Variants in BMPR1B observed in about 807,000 individuals in gnomAD.
The protein encoded by BMPR1B is bone morphogenetic protein receptor type-1B.
Under a neutral mutation model 59.1 loss-of-function variants are expected in BMPR1B, and 12 were observed. The ratio of observed to expected loss-of-function variants is 0.20; its 90% CI spans 0.13 to 0.33. The LOEUF is 0.33. BMPR1B is among the 10% of genes least tolerant of loss of function. The probability of loss-of-function intolerance (pLI) is 1.00; values close to 1 mark genes in which losing one functional copy is unlikely to be tolerated. For missense variants in BMPR1B, 550 were observed against 610.9 expected (o/e 0.90, Z 1.05); for synonymous variants, 237 against 207.3 (o/e 1.14, Z -1.23).
At chr4:94,916,397 G>A (rs67037000) in intron 2 of BMPR1B, among the ~76,000 whole-genome samples, 21,190 of 152,222 alleles carry the variant, frequency 0.14, 1,683 homozygotes, top group South Asian at 0.19. Context: ...GTCTCAAATG[G>A]AAATGAGGAA....
chr4:95,071,340 A>C (rs1025883932), intron 3 of BMPR1B, among the ~76,000 whole-genome samples: 1 of 152,152 alleles, frequency 6.6e-6, no homozygotes, highest in Non-Finnish European at 1.5e-5. Flanking sequence ...GATGAGAAAG[A>C]TACTGCCCAA....
At chr4:94,860,648 T>TCAAA (rs1470603295) in intron 1 of BMPR1B, among the ~76,000 whole-genome samples, 1 of 152,174 alleles carries the variant, frequency 6.6e-6, no homozygotes, top group Non-Finnish European at 1.5e-5. Context: ...TTTTTTAGTT[T>TCAAA]TTGTAGGAGT....
intron 2 of BMPR1B, among the ~76,000 whole-genome samples, chr4:94,896,015 T>C (rs1727571978): frequency 6.6e-6 from 1 of 152,016 alleles, no homozygotes; most frequent in African/African-American, 2.4e-5. Flanking sequence ...TTTTTAGGTG[T>C]AACTAGCAAT....
intron 3 of BMPR1B, among the ~76,000 whole-genome samples, chr4:95,002,099 T>C (rs1168583482): frequency 2.0e-5 from 3 of 152,168 alleles, no homozygotes; most frequent in Non-Finnish European, 2.9e-5. Context: ...GTGAGCATAC[T>C]ACCCACTAGG....
At chr4:94,793,238 A>G (rs368555071) in intron 1 of BMPR1B, among the ~76,000 whole-genome samples, 5,027 of 151,830 alleles carry the variant, frequency 0.033, 125 homozygotes, top group South Asian at 0.071. Flanking sequence ...TCATTGTTCA[A>G]TTCCCACCTA....
At chr4:95,123,996 C>G in intron 7 of BMPR1B, 90 bp downstream of exon 7, 1 of 859,094 alleles carries the variant, frequency 1.2e-6, no homozygotes, top group Admixed American at 1.9e-5. Flanking sequence ...TGTTTCTCAC[C>G]ACAGCTTTAT....
intron 2 of BMPR1B, among the ~76,000 whole-genome samples, chr4:94,888,400 G>T (rs184425180): frequency 7.4e-4 from 109 of 147,836 alleles, no homozygotes; most frequent in African/African-American, 2.9e-3. Context: ...AATAGAAAAA[G>T]ATCTTTGTTG....
chr4:94,934,173 C>T (rs185453982), intron 2 of BMPR1B, among the ~76,000 whole-genome samples: 119 of 152,298 alleles, frequency 7.8e-4, no homozygotes, highest in Admixed American at 2.2e-3. Flanking sequence ...AGTGTTCAAT[C>T]TTCCCATGAA....
chr4:94,820,024 G>A (rs148791201), intron 1 of BMPR1B, among the ~76,000 whole-genome samples: 1 of 152,276 alleles, frequency 6.6e-6, no homozygotes, highest in East Asian at 1.9e-4. Context: ...TAATTAGTGA[G>A]TAGCTGAATG....
At chr4:95,074,229 G>T (rs578062219) in intron 3 of BMPR1B, among the ~76,000 whole-genome samples, 2 of 151,998 alleles carry the variant, frequency 1.3e-5, no homozygotes, top group East Asian at 3.9e-4. Context: ...CTGTGACTTT[G>T]AGCAAGTTCT....
intron 1 of BMPR1B, among the ~76,000 whole-genome samples, chr4:94,793,545 G>A (rs1433365388): frequency 6.7e-6 from 1 of 149,614 alleles, no homozygotes; most frequent in African/African-American, 2.5e-5. Context: ...TAATGGGATG[G>A]CTGGGTCAAA....
At chr4:94,945,635 G>A (rs564186401) in intron 2 of BMPR1B, among the ~76,000 whole-genome samples, 51 of 152,192 alleles carry the variant, frequency 3.4e-4, no homozygotes, top group Non-Finnish European at 5.7e-4. Flanking sequence ...AGGTCTCACC[G>A]TGTTGCCCAG....
In BMPR1B at chr4:94,902,081, GTGT is replaced by G. The variant is rs1560538957; in HGVS notation, c.-113+26182_-113+26184del. Among the ~76,000 whole-genome samples the G allele has an allele frequency of 3.6e-3, 494 of 137,218 alleles. 2 individuals carry two copies. The highest frequency in any genetic ancestry group is 7.6e-3 in the Admixed American group (101 of 13,210). 90.0% of individuals were successfully genotyped at this position (137,218 alleles called of 152,430 possible). A position where few individuals can be genotyped will look rare whatever the true frequency, so the allele number is the denominator to read the frequency against. ...TGTGTGTGTGTGTGTGTGTGTGTGT[GTGT>G]GTGGGGTGTATTTAAAGGAAACAAC... On this transcript the variant is annotated intron_variant, in intron 2 of 12. Coordinates refer to ENST00000515059, the MANE Select transcript of BMPR1B (RefSeq NM_001203.3).
At chr4:94,983,116 G>A (rs1203813361) in intron 2 of BMPR1B, among the ~76,000 whole-genome samples, 1 of 152,064 alleles carries the variant, frequency 6.6e-6, no homozygotes, top group East Asian at 1.9e-4. Flanking sequence ...TACGTGGCTG[G>A]CTCTTTCTCA....
intron 5 of BMPR1B, 44 bp downstream of exon 5, chr4:95,114,866 T>C: frequency 6.6e-7 from 1 of 1,515,718 alleles, no homozygotes; most frequent in South Asian, 1.1e-5. Flanking sequence ...TTGGCTAGAT[T>C]TCCAACAAGT....
In BMPR1B at chr4:94,921,461, C is replaced by T. The variant is rs115411943; in HGVS notation, c.-113+45561C>T. ...AGCATCTGCTTGGCTTTTGGAGAGG[C>T]CTCAGGGAGCTTTTATCTGTGGTGG... On this transcript the variant is annotated intron_variant, in intron 2 of 12. Transcript: ENST00000515059. Among the ~76,000 whole-genome samples the T allele has an allele frequency of 8.4e-3, 1,276 of 152,064 alleles. 18 individuals are homozygous for T. Among genetic ancestry groups the T allele is most frequent in the African/African-American group, 0.029 (1,211 of 41,492 alleles).
In BMPR1B at chr4:94,840,858, G is replaced by T. The variant is rs7687785; in HGVS notation, c.-182-34973G>T. Among the ~76,000 whole-genome samples the T allele has an allele frequency of 2.8e-5, 4 of 144,034 alleles. 1 individual carries two copies. The highest frequency in any genetic ancestry group is 1.0e-4 in the African/African-American group (4 of 38,632). 94.5% of individuals were successfully genotyped at this position (144,034 alleles called of 152,430 possible). The stretch of plus-strand genomic sequence containing the variant: ...GGCGCTCTGCTTTTTGGAGTTTCCA[G>T]TTTTTCTGTTCTGTTTTTTCCCCAT... On this transcript the variant is annotated intron_variant, in intron 1 of 12. Coordinates refer to ENST00000515059, the MANE Select transcript of BMPR1B (RefSeq NM_001203.3).
At chr4:94,824,774 GT>G (rs1724326394) in intron 1 of BMPR1B, among the ~76,000 whole-genome samples, 2 of 151,968 alleles carry the variant, frequency 1.3e-5, no homozygotes, top group South Asian at 4.2e-4. Context: ...GAGTAAAAAC[GT>G]TTTTATATTG....
At chr4:94,803,405 G>A (rs1723482160) in intron 1 of BMPR1B, among the ~76,000 whole-genome samples, 1 of 152,196 alleles carries the variant, frequency 6.6e-6, no homozygotes. Context: ...TCCACCCCCA[G>A]TGTTAGGGGT....
Sources: gnomAD v4.1 joint callset for allele counts (sites outside exome capture counted in the v4.1 genomes callset) on GRCh38, gnomAD v4.1.1 for gene constraint, MANE v1.5 for transcripts, NCBI Gene and HGNC (gene_info 2026-07-23, HGNC 2026-07-21) for gene names.